Variants in CECR2 observed in about 807,000 individuals in gnomAD.
CECR2 encodes CECR2 histone acetyl-lysine reader.
A neutral mutation model predicts 154.5 loss-of-function variants in CECR2; 30 were observed. The ratio of observed to expected loss-of-function variants is 0.19; its 90% CI spans 0.15 to 0.26. The LOEUF (loss-of-function observed/expected upper bound fraction) is 0.26, where lower values mean the gene tolerates loss of function less well. CECR2 is among the 10% of genes least tolerant of loss of function. The pLI, the probability that CECR2 is intolerant of heterozygous loss-of-function variation, is 1.00. For synonymous variants in CECR2, 725 were observed against 683.7 expected (o/e 1.06, Z -0.94); for missense variants, 1,743 against 1,829.3 (o/e 0.95, Z 0.86).
At chr22:17,448,171 T>C (rs2054707590) in intron 1 of CECR2, among the ~76,000 whole-genome samples, 1 of 152,218 alleles carries the variant, frequency 6.6e-6, no homozygotes, top group African/African-American at 2.4e-5. Flanking sequence ...CACTATACTT[T>C]TACCACATGT....
chr22:17,524,361 T>A, intron 9 of CECR2, 90 bp downstream of exon 9: 2 of 1,342,540 alleles, frequency 1.5e-6, no homozygotes, highest in African/African-American at 1.5e-5. Flanking sequence ...AGTCCTGCCA[T>A]GCATCCAAGT....
chr22:17,370,189 G>A (rs1302858392), intron 1 of CECR2, among the ~76,000 whole-genome samples: 1 of 150,970 alleles, frequency 6.6e-6, no homozygotes, highest in Non-Finnish European at 1.5e-5. Flanking sequence ...GAGAGGGAGC[G>A]GGAGCGGGAC....
At chr22:17,491,930 G>A (rs2055539931) in intron 2 of CECR2, among the ~76,000 whole-genome samples, 1 of 152,142 alleles carries the variant, frequency 6.6e-6, no homozygotes, top group South Asian at 2.1e-4. Flanking sequence ...TATCTTGGCT[G>A]TCATGTTGAT....
At chr22:17,446,071 C>T (rs1219230434) in intron 1 of CECR2, among the ~76,000 whole-genome samples, 2 of 152,072 alleles carry the variant, frequency 1.3e-5, no homozygotes, top group African/African-American at 4.8e-5. Flanking sequence ...ATCAATGGTG[C>T]CAGCATCACC....
intron 2 of CECR2, among the ~76,000 whole-genome samples, chr22:17,494,572 C>T (rs998833019): frequency 6.6e-6 from 1 of 152,132 alleles, no homozygotes; most frequent in African/African-American, 2.4e-5. Flanking sequence ...TTGTGAGAGC[C>T]CTGATTGTTA....
intron 1 of CECR2, among the ~76,000 whole-genome samples, chr22:17,388,419 G>T (rs1285411453): frequency 1.3e-5 from 2 of 152,214 alleles, no homozygotes; most frequent in East Asian, 3.9e-4. Context: ...AACAGGCTCA[G>T]AGTGAAGCGA....
At chr22:17,388,465 C>G (rs1391880102) in intron 1 of CECR2, among the ~76,000 whole-genome samples, 1 of 152,104 alleles carries the variant, frequency 6.6e-6, no homozygotes, top group Non-Finnish European at 1.5e-5. Flanking sequence ...GGTGGCAGAA[C>G]CCATACCGGC....
chr22:17,509,427 CTTT>C (rs11389089), intron 7 of CECR2, among the ~76,000 whole-genome samples: 2 of 141,078 alleles, frequency 1.4e-5, no homozygotes. Context: ...TGTTTCTTTT[CTTT>C]TTTTTTTTTT....
In CECR2 at chr22:17,524,628, G is replaced by A. The variant is rs577284119; in HGVS notation, c.1108+357G>A. On this transcript the variant is annotated intron_variant, in intron 9 of 18. Transcript: ENST00000262608. The stretch of plus-strand genomic sequence containing the variant: ...AGGATGGTCTCGATATCTTGACCTC[G>A]TAATCTGCCCGCCTTGGCCTCCCAA... 4.4e-5 allele frequency among the ~76,000 whole-genome samples: 6 copies of A among 137,210 alleles called. 1 individual carries two copies. In the South Asian group the frequency reaches 1.2e-3, roughly 28 times the overall value. The allele number at this position is 137,210 out of a possible 152,430, so 90.0% of individuals were successfully genotyped here.
intron 9 of CECR2, 199 bp downstream of exon 9, chr22:17,524,470 G>T (rs1569141353): frequency 1.9e-6 from 1 of 535,152 alleles, no homozygotes; most frequent in Non-Finnish European, 3.1e-6. Flanking sequence ...TCAGCTCACT[G>T]CAAGCTTCAC....
chr22:17,508,298 A>C (rs985779213), intron 7 of CECR2, among the ~76,000 whole-genome samples: 1 of 151,880 alleles, frequency 6.6e-6, no homozygotes, highest in East Asian at 1.9e-4. Flanking sequence ...CCTAACCTTC[A>C]CATTCACACC....
intron 1 of CECR2, among the ~76,000 whole-genome samples, chr22:17,441,660 G>A (rs2094770529): frequency 6.6e-6 from 1 of 151,902 alleles, no homozygotes; most frequent in South Asian, 2.1e-4. Context: ...ATTGCCAGAG[G>A]ATAATAAGTT....
chr22:17,431,419 A>C (rs77550514), intron 1 of CECR2, among the ~76,000 whole-genome samples: 4,895 of 152,322 alleles, frequency 0.032, 120 homozygotes, highest in South Asian at 0.13. Flanking sequence ...GTTATTGTAC[A>C]TACATGTTTC....
At chr22:17,452,781 G>C (rs1307986861) in intron 1 of CECR2, among the ~76,000 whole-genome samples, 6 of 152,112 alleles carry the variant, frequency 3.9e-5, no homozygotes, top group Admixed American at 2.0e-4. Context: ...GTAATTTTTG[G>C]AGCCTTCAGA....
chr22:17,528,454 CA>C (rs993479245), intron 9 of CECR2, among the ~76,000 whole-genome samples: 1 of 150,822 alleles, frequency 6.6e-6, no homozygotes, highest in Non-Finnish European at 1.5e-5. Flanking sequence ...TTAATGGGTA[CA>C]AAAAAAATAG....
chr22:17,552,521 C>T (rs1053177692), intron 18 of CECR2, among the ~76,000 whole-genome samples: 1 of 152,096 alleles, frequency 6.6e-6, no homozygotes, highest in Non-Finnish European at 1.5e-5. Flanking sequence ...CTGCTTCTCT[C>T]CCATGCGTTG....
At chr22:17,394,191 C>CTG (rs2053773120) in intron 1 of CECR2, among the ~76,000 whole-genome samples, 2 of 127,352 alleles carry the variant, frequency 1.6e-5, no homozygotes, top group African/African-American at 2.9e-5. Flanking sequence ...CCAGCTGCTG[C>CTG]CGCTGCTTTT....
chr22:17,378,164 TA>T (rs1320028234), intron 1 of CECR2, among the ~76,000 whole-genome samples: 1 of 150,956 alleles, frequency 6.6e-6, no homozygotes, highest in African/African-American at 2.4e-5. Context: ...TTTGTGTTTT[TA>T]GTAGAGACGG....
At chr22:17,477,326 A>T (rs5747195) in intron 1 of CECR2, among the ~76,000 whole-genome samples, 1 of 152,146 alleles carries the variant, frequency 6.6e-6, no homozygotes, top group African/African-American at 2.4e-5. Context: ...AAAAAGAGTT[A>T]TGTGTGTTTC....
Sources: gnomAD v4.1 joint callset for allele counts (sites outside exome capture counted in the v4.1 genomes callset) on GRCh38, gnomAD v4.1.1 for gene constraint, MANE v1.5 for transcripts, NCBI Gene and HGNC (gene_info 2026-07-23, HGNC 2026-07-21) for gene names.